The following GALNT13 variants were observed in gnomAD, a reference collection of about 807,000 sequenced individuals.
The protein encoded by GALNT13 is polypeptide N-acetylgalactosaminyltransferase 13.
In GALNT13, 28 loss-of-function variants were observed where a neutral mutation model predicts 64.2. That is an observed-to-expected ratio of 0.44 (90% CI 0.32 to 0.60). The LOEUF (loss-of-function observed/expected upper bound fraction) is 0.60. Ranked by LOEUF, GALNT13 falls within the 20% of genes least tolerant of loss-of-function variation. The probability of loss-of-function intolerance (pLI) is 0.05; values close to 1 mark genes in which losing one functional copy is unlikely to be tolerated. For missense variants in GALNT13, 577 were observed against 669.8 expected, an observed-to-expected ratio of 0.86 and a Z score of 1.53; for synonymous variants, 214 against 224.6, an observed-to-expected ratio of 0.95 and a Z score of 0.42.
intron 3 of GALNT13, among the ~76,000 whole-genome samples, chr2:154,033,597 T>C (rs1168917085): frequency 6.6e-6 from 1 of 152,002 alleles, no homozygotes; most frequent in Admixed American, 6.6e-5. Context: ...GAAATGGAAA[T>C]TTAAAACAAA....
At chr2:153,935,727 A>G (rs1383123810) in intron 2 of GALNT13, among the ~76,000 whole-genome samples, 1 of 152,218 alleles carries the variant, frequency 6.6e-6, no homozygotes, top group African/African-American at 2.4e-5. Context: ...ATTGTCAGCC[A>G]CAGATGCTAC....
chr2:154,124,485 A>G (rs1262249832), intron 3 of GALNT13, among the ~76,000 whole-genome samples: 1 of 152,072 alleles, frequency 6.6e-6, no homozygotes, highest in Admixed American at 6.6e-5. Flanking sequence ...TACAGAAATA[A>G]TTATAGTTAT....
At chr2:153,186,193 A>AACCTTT in the GALNT13 span, among the ~76,000 whole-genome samples, 382 of 151,406 alleles carry the variant, frequency 2.5e-3, 3 homozygotes, top group African/African-American at 8.8e-3. Flanking sequence ...GTTGAACTGA[A>AACCTTT]ACCTTTACCA....
chr2:154,374,388 G>A (rs185777640), intron 9 of GALNT13, among the ~76,000 whole-genome samples: 104 of 152,242 alleles, frequency 6.8e-4, no homozygotes, highest in African/African-American at 2.3e-3. Flanking sequence ...AGTTAAATGA[G>A]TTTTCAATGA....
At chr2:154,247,835 C>G (rs1161589665) in intron 7 of GALNT13, among the ~76,000 whole-genome samples, 3 of 151,968 alleles carry the variant, frequency 2.0e-5, no homozygotes, top group Non-Finnish European at 4.4e-5. Context: ...ACAGAGAAAC[C>G]TCAGTCTTTG....
chr2:153,090,316 A>G, the GALNT13 span, among the ~76,000 whole-genome samples: 1 of 152,288 alleles, frequency 6.6e-6, no homozygotes, highest in African/African-American at 2.4e-5. Context: ...AAGTCTCCCC[A>G]CTGTGGCTAC....
chr2:153,069,522 T>G, the GALNT13 span, among the ~76,000 whole-genome samples: 1 of 152,164 alleles, frequency 6.6e-6, no homozygotes, highest in Non-Finnish European at 1.5e-5. Context: ...CAATCGCCTT[T>G]GATCCTCAGA....
the GALNT13 span, among the ~76,000 whole-genome samples, chr2:153,733,391 T>C: frequency 6.6e-6 from 1 of 152,164 alleles, no homozygotes; most frequent in Admixed American, 6.6e-5. Context: ...TGTTTATTCA[T>C]ATGCAGCTAC....
At chr2:153,116,674 G>C in the GALNT13 span, among the ~76,000 whole-genome samples, 2 of 151,744 alleles carry the variant, frequency 1.3e-5, no homozygotes, top group Non-Finnish European at 2.9e-5. Context: ...GCCAGGCTTT[G>C]ATTATTCTCA....
chr2:153,831,434 C>T, the GALNT13 span, among the ~76,000 whole-genome samples: 1 of 152,110 alleles, frequency 6.6e-6, no homozygotes, highest in African/African-American at 2.4e-5. Flanking sequence ...GGGAATTGTG[C>T]TCTTCTCTTC....
At chr2:153,623,997 A>G in the GALNT13 span, among the ~76,000 whole-genome samples, 2 of 152,058 alleles carry the variant, frequency 1.3e-5, no homozygotes, top group Admixed American at 1.3e-4. Flanking sequence ...ATAGGTCCCA[A>G]ACTTTTTGTT....
chr2:154,388,356 T>C (rs1045734398), intron 9 of GALNT13, among the ~76,000 whole-genome samples: 1 of 152,200 alleles, frequency 6.6e-6, no homozygotes, highest in African/African-American at 2.4e-5. Context: ...CTCTTCACTT[T>C]GTTAATTGTT....
chr2:153,751,846 T>C, the GALNT13 span, among the ~76,000 whole-genome samples: 1 of 151,914 alleles, frequency 6.6e-6, no homozygotes, highest in African/African-American at 2.4e-5. Context: ...ATTATTTATA[T>C]GTAAGAACTT....
the GALNT13 span, among the ~76,000 whole-genome samples, chr2:153,632,615 A>G: frequency 1.3e-5 from 2 of 152,200 alleles, no homozygotes; most frequent in Non-Finnish European, 2.9e-5. Flanking sequence ...TTTTTATAAA[A>G]TAAAACATAT....
intron 11 of GALNT13, among the ~76,000 whole-genome samples, chr2:154,420,129 A>G (rs1007355934): frequency 6.6e-6 from 1 of 152,128 alleles, no homozygotes; most frequent in Non-Finnish European, 1.5e-5. Flanking sequence ...AAACCCCACT[A>G]CATACACACA....
chr2:153,466,285 T>C, the GALNT13 span, among the ~76,000 whole-genome samples: 9 of 152,208 alleles, frequency 5.9e-5, no homozygotes, highest in East Asian at 1.7e-3. Flanking sequence ...CGGGTTGTAC[T>C]AAATAAATGT....
At chr2:153,843,652 G>C in the GALNT13 span, among the ~76,000 whole-genome samples, 1 of 152,120 alleles carries the variant, frequency 6.6e-6, no homozygotes, top group East Asian at 1.9e-4. Flanking sequence ...TAAAATCCAA[G>C]GTTTCATGTG....
At chr2:153,108,770 A>T in the GALNT13 span, among the ~76,000 whole-genome samples, 2 of 152,176 alleles carry the variant, frequency 1.3e-5, no homozygotes, top group Non-Finnish European at 2.9e-5. Context: ...AACCCTAAAA[A>T]GTCAAGTTTT....
the GALNT13 span, among the ~76,000 whole-genome samples, chr2:153,131,404 T>C: frequency 1.3e-5 from 2 of 151,908 alleles, no homozygotes; most frequent in African/African-American, 4.8e-5. Flanking sequence ...GTATTTTCTA[T>C]GGGGAAGATG....
Sources: gnomAD v4.1 joint callset for allele counts (sites outside exome capture counted in the v4.1 genomes callset) on GRCh38, gnomAD v4.1.1 for gene constraint, MANE v1.5 for transcripts, NCBI Gene and HGNC (gene_info 2026-07-23, HGNC 2026-07-21) for gene names.